The following PRELID2 variants were observed in gnomAD, a reference collection of about 807,000 sequenced individuals.
PRELID2 encodes PRELI domain-containing protein 2.
A neutral mutation model predicts 28.4 loss-of-function variants in PRELID2; 25 were observed. The observed-to-expected ratio is 0.88, with a 90% CI of 0.64 to 1.23. PRELID2 has a LOEUF of 1.23. Among genes scored for constraint, PRELID2 ranks in the 50% most tolerant of loss-of-function variants. The pLI, the probability that PRELID2 is intolerant of heterozygous loss-of-function variation, is 0.00. For missense variants in PRELID2, 201 were observed against 214.4 expected (o/e 0.94, Z 0.39); for synonymous variants, 76 against 71.6 (o/e 1.06, Z -0.31).
Position 145,556,573 on chromosome 5 carries a change from T to G in PRELID2, n.71-83258A>C, listed in dbSNP as rs536522139. Reference sequence around the variant, plus strand: ...CCACTCTTTGTCCTGCCCAGGTAGATATCTCCAAAATACATCTGAAAATCT... The same window carrying G: ...CCACTCTTTGTCCTGCCCAGGTAGAGATCTCCAAAATACATCTGAAAATCT... On this transcript the variant is annotated intron_variant and non_coding_transcript_variant, in intron 1 of 2. Transcript: ENST00000510259. 7.2e-5 allele frequency among the ~76,000 whole-genome samples: 11 copies of G among 152,336 alleles called. No individual in the cohort carries two copies. In the East Asian group the frequency reaches 1.9e-3, roughly 27 times the overall value.
At chr5:145,777,540 T>C (rs1658463321) in intron 5 of PRELID2, among the ~76,000 whole-genome samples, 1 of 152,190 alleles carries the variant, frequency 6.6e-6, no homozygotes, top group South Asian at 2.1e-4. Flanking sequence ...AAAATGGTAA[T>C]GATAATGATG....
intron 1 of PRELID2, among the ~76,000 whole-genome samples, chr5:145,693,196 A>G (rs1333260132): frequency 1.4e-5 from 2 of 148,134 alleles, no homozygotes; most frequent in African/African-American, 5.0e-5. Flanking sequence ...TGCCCAGTCT[A>G]GAATCCAGTG....
At chr5:145,436,272 T>C in the PRELID2 span, among the ~76,000 whole-genome samples, 725 of 152,326 alleles carry the variant, frequency 4.8e-3, 8 homozygotes, top group African/African-American at 0.017. Context: ...ATCTTATTGT[T>C]ATTTATGGCT....
chr5:145,696,136 TAGTG>T (rs1374365737), intron 1 of PRELID2, among the ~76,000 whole-genome samples: 2 of 147,172 alleles, frequency 1.4e-5, no homozygotes, highest in African/African-American at 5.0e-5. Flanking sequence ...TTCTGGCACA[TAGTG>T]AGCAATAAAT....
chr5:145,476,575 G>A (rs1172760230), intron 1 of PRELID2, among the ~76,000 whole-genome samples: 2 of 152,200 alleles, frequency 1.3e-5, no homozygotes, highest in East Asian at 3.9e-4. Context: ...AACCCCGGAG[G>A]TGGAGGTTAC....
intron 1 of PRELID2, among the ~76,000 whole-genome samples, chr5:145,574,711 T>A (rs1428921192): frequency 6.6e-6 from 1 of 152,204 alleles, no homozygotes; most frequent in African/African-American, 2.4e-5. Context: ...CCAGGACCCC[T>A]GAGGATGTCA....
chr5:145,335,010 C>T, the PRELID2 span, among the ~76,000 whole-genome samples: 360 of 152,160 alleles, frequency 2.4e-3, 3 homozygotes, highest in Non-Finnish European at 4.1e-3. Context: ...TCCTACCCTT[C>T]CCAATATTTG....
the PRELID2 span, among the ~76,000 whole-genome samples, chr5:145,411,937 C>T: frequency 2.6e-5 from 4 of 152,184 alleles, no homozygotes; most frequent in South Asian, 2.1e-4. Context: ...AGCAATATCC[C>T]GAGCTGTACC....
the PRELID2 span, among the ~76,000 whole-genome samples, chr5:145,325,805 G>A: frequency 6.6e-6 from 1 of 152,178 alleles, no homozygotes; most frequent in East Asian, 1.9e-4. Flanking sequence ...TCAAAAGGAT[G>A]GGGGGAAGTA....
intron 1 of PRELID2, among the ~76,000 whole-genome samples, chr5:145,635,107 G>A (rs886309522): frequency 2.6e-5 from 4 of 152,158 alleles, no homozygotes; most frequent in Non-Finnish European, 5.9e-5. Flanking sequence ...TTTCCCTGAT[G>A]CAGATTTGAT....
chr5:145,250,078 T>A, the PRELID2 span, among the ~76,000 whole-genome samples: 36 of 152,234 alleles, frequency 2.4e-4, no homozygotes, highest in African/African-American at 7.9e-4. Flanking sequence ...TTCAACGATG[T>A]TGCTTTTGTA....
intron 4 of PRELID2, among the ~76,000 whole-genome samples, chr5:145,811,296 C>T (rs1753921317): frequency 6.6e-6 from 1 of 151,830 alleles, no homozygotes; most frequent in South Asian, 2.1e-4. Flanking sequence ...GGTGGGGACA[C>T]AGCAAAACCA....
intron 1 of PRELID2, among the ~76,000 whole-genome samples, chr5:145,585,760 C>T (rs1358669678): frequency 6.6e-6 from 1 of 152,072 alleles, no homozygotes; most frequent in African/African-American, 2.4e-5. Context: ...AACAATGTCT[C>T]CCCTGCTTAT....
At chr5:145,244,079 G>A in the PRELID2 span, among the ~76,000 whole-genome samples, 1 of 151,942 alleles carries the variant, frequency 6.6e-6, no homozygotes, top group South Asian at 2.1e-4. Flanking sequence ...TCAGGCTTTC[G>A]AGTAGCTGGG....
chr5:145,828,209 C>A (rs73306059), intron 1 of PRELID2, among the ~76,000 whole-genome samples: 3,119 of 152,150 alleles, frequency 0.02, 113 homozygotes, highest in African/African-American at 0.071. Context: ...AGAATAAATA[C>A]TTACCTCAAA....
intron 2 of PRELID2, among the ~76,000 whole-genome samples, chr5:145,821,183 A>G (rs1368900811): frequency 5.7e-3 from 199 of 34,640 alleles, no homozygotes; most frequent in South Asian, 6.9e-3. Context: ...GTGTGTGTGT[A>G]AGTCCTCTTC....
the PRELID2 span, among the ~76,000 whole-genome samples, chr5:145,339,678 C>T: frequency 6.6e-6 from 1 of 152,164 alleles, no homozygotes; most frequent in African/African-American, 2.4e-5. Context: ...AAAAATCCCA[C>T]TGCTGCCAGT....
At chr5:145,574,843 A>G (rs1288926048) in intron 1 of PRELID2, among the ~76,000 whole-genome samples, 1 of 152,212 alleles carries the variant, frequency 6.6e-6, no homozygotes, top group Non-Finnish European at 1.5e-5. Flanking sequence ...TACAATGTAA[A>G]TGCTATGTAA....
chr5:145,521,212 A>G (rs1385375795), intron 1 of PRELID2, among the ~76,000 whole-genome samples: 2 of 152,154 alleles, frequency 1.3e-5, no homozygotes, highest in Non-Finnish European at 2.9e-5. Context: ...AAATGTTCCG[A>G]CCATTTATTT....
Sources: gnomAD v4.1 joint callset for allele counts (sites outside exome capture counted in the v4.1 genomes callset) on GRCh38, gnomAD v4.1.1 for gene constraint, MANE v1.5 for transcripts, NCBI Gene and HGNC (gene_info 2026-07-23, HGNC 2026-07-21) for gene names.